The following TBCK variants were observed in gnomAD, a reference collection of about 807,000 sequenced individuals.
TBCK encodes TBC domain-containing protein kinase-like protein.
A neutral mutation model predicts 113.4 loss-of-function variants in TBCK; 99 were observed. The observed-to-expected ratio is 0.87, with a 90% CI of 0.74 to 1.03. The LOEUF (loss-of-function observed/expected upper bound fraction) is 1.03, where lower values mean the gene tolerates loss of function less well. Ranked by LOEUF, TBCK falls within the 50% of genes least tolerant of loss-of-function variation. TBCK has a pLI of 0.00. For missense variants in TBCK, 1,045 were observed against 1,061.3 expected, an observed-to-expected ratio of 0.98 and a Z score of 0.21; for synonymous variants, 369 against 370.8, an observed-to-expected ratio of 1.00 and a Z score of 0.05.
chr4:106,046,424 G>A lies in TBCK; in HGVS notation c.*146C>T. 1 of 548,262 alleles carries A rather than the reference G, an allele frequency of 1.8e-6. No homozygotes were observed. Among genetic ancestry groups the A allele is most frequent in the Non-Finnish European group, 3.3e-6 (1 of 307,256 alleles). The allele number at this position is 548,262 out of a possible 1,614,324, so 34.0% of individuals were successfully genotyped here. ...ATGGATAACTGAACATGTGGGTTAT[G>A]AGATTTTAAAAAATGTCTCGTGACA... is the stretch of plus-strand genomic sequence containing the variant. On this transcript the variant is annotated 3_prime_UTR_variant, in exon 26 of 26. Transcript: ENST00000394708.
chr4:106,066,016 C>T (rs912508991), intron 25 of TBCK, among the ~76,000 whole-genome samples: 4 of 151,880 alleles, frequency 2.6e-5, no homozygotes, highest in Non-Finnish European at 5.9e-5. Flanking sequence ...TGTAAAGAAA[C>T]CATCTTATAG....
chr4:106,205,587 C>CAAAAAAAAAA (rs70941240), intron 20 of TBCK, among the ~76,000 whole-genome samples: 1 of 64,212 alleles, frequency 1.6e-5, no homozygotes, highest in African/African-American at 6.0e-5. Flanking sequence ...ACTAAAAATA[C>CAAAAAAAAAA]AAAAAAAAAA....
chr4:106,066,059 A>T (rs1560597132), intron 25 of TBCK, among the ~76,000 whole-genome samples: 1 of 152,054 alleles, frequency 6.6e-6, no homozygotes. Context: ...AATTACAGGA[A>T]ATAGTTAATG....
At chr4:106,160,616 G>C (rs1305712075) in intron 23 of TBCK, among the ~76,000 whole-genome samples, 1 of 151,844 alleles carries the variant, frequency 6.6e-6, no homozygotes, top group East Asian at 1.9e-4. Context: ...AAATAGAAAA[G>C]TGTTCGCAAG....
intron 22 of TBCK, among the ~76,000 whole-genome samples, chr4:106,179,771 A>C (rs1752116375): frequency 6.6e-6 from 1 of 152,054 alleles, no homozygotes; most frequent in South Asian, 2.1e-4. Flanking sequence ...TCTACAGTAC[A>C]GTTTAACTCC....
At chr4:106,174,279 G>A (rs1358024504) in intron 22 of TBCK, among the ~76,000 whole-genome samples, 1 of 151,920 alleles carries the variant, frequency 6.6e-6, no homozygotes, top group African/African-American at 2.4e-5. Context: ...TTCTCATTTT[G>A]ATGAAACACA....
chr4:106,063,485 G>C (rs1393065398), intron 25 of TBCK, among the ~76,000 whole-genome samples: 1 of 151,920 alleles, frequency 6.6e-6, no homozygotes, highest in Non-Finnish European at 1.5e-5. Context: ...TGCTGAATTG[G>C]TTTACAGTGT....
chr4:106,282,438 T>A (rs768754751), intron 3 of TBCK, among the ~76,000 whole-genome samples: 1 of 152,078 alleles, frequency 6.6e-6, no homozygotes, highest in African/African-American at 2.4e-5. Context: ...TTTTTTCTTC[T>A]ACTAATTTTG....
chr4:106,088,844 C>T (rs879860170), intron 25 of TBCK, among the ~76,000 whole-genome samples: 6 of 152,218 alleles, frequency 3.9e-5, no homozygotes, highest in African/African-American at 1.2e-4. Flanking sequence ...AACCAAACAC[C>T]GCATGTTCTC....
At chr4:106,265,001 G>A (rs1047598447) in intron 3 of TBCK, among the ~76,000 whole-genome samples, 2 of 151,846 alleles carry the variant, frequency 1.3e-5, no homozygotes, top group African/African-American at 4.8e-5. Context: ...TCCCTGGGAA[G>A]TTTTGAGGAT....
intron 23 of TBCK, chr4:106,164,251 A>G (rs1750115601): frequency 6.6e-6 from 1 of 152,040 alleles, no homozygotes; most frequent in Non-Finnish European, 1.5e-5. Context: ...ACAGATGCAA[A>G]GCTAACCTTT....
At chr4:106,112,265 G>A (rs894167854) in intron 24 of TBCK, among the ~76,000 whole-genome samples, 4 of 152,218 alleles carry the variant, frequency 2.6e-5, no homozygotes, top group Non-Finnish European at 4.4e-5. Context: ...ATTCAAGGCA[G>A]TATTGCCTTA....
In TBCK at chr4:106,247,274, G is replaced by C. The variant is rs3775091; in HGVS notation, c.796C>G (p.Gln266Glu). ...CTGAATACTTTGTCCTTCATTAATT[G>C]ATCTGGGGTTGGCCTTGAGAACATT... ...FHPSKRPTPD[Q>E]LMKDKVFSEV... Residue 266 changes from glutamine (Q) to glutamate (E), a missense_variant, in exon 10 of 26, where the codon CAA becomes GAA. Coordinates refer to ENST00000394708, the MANE Select transcript of TBCK (RefSeq NM_001163435.3). 1 allele frequency: 1,608,787 copies of C among 1,611,816 alleles called. 802,946 individuals carry two copies. Among genetic ancestry groups the C allele is most frequent in the Middle Eastern group, 1 (6,042 of 6,042 alleles).
chr4:106,153,571 A>G (rs1227732601), intron 23 of TBCK, among the ~76,000 whole-genome samples: 1 of 152,010 alleles, frequency 6.6e-6, no homozygotes, highest in Non-Finnish European at 1.5e-5. Context: ...ATGTTCTGTA[A>G]ATTTGGTCCA....
At chr4:106,077,305 A>G (rs956876320) in intron 25 of TBCK, among the ~76,000 whole-genome samples, 1 of 152,228 alleles carries the variant, frequency 6.6e-6, no homozygotes, top group African/African-American at 2.4e-5. Context: ...TGATAAGACC[A>G]AATCCTCACA....
intron 23 of TBCK, among the ~76,000 whole-genome samples, chr4:106,166,065 G>T (rs1750334221): frequency 6.6e-6 from 1 of 151,610 alleles, no homozygotes; most frequent in South Asian, 2.1e-4. Flanking sequence ...TCAGACATAA[G>T]AATATATAAT....
At chr4:106,093,540 T>C (rs1290598013) in intron 25 of TBCK, among the ~76,000 whole-genome samples, 1 of 152,182 alleles carries the variant, frequency 6.6e-6, no homozygotes, top group Non-Finnish European at 1.5e-5. Context: ...AATGCTGCTA[T>C]CAGTCCTGTA....
chr4:106,242,649 T>C, intron 11 of TBCK, 80 bp from the exon 12 acceptor site: 1 of 858,556 alleles, frequency 1.2e-6, no homozygotes, highest in Non-Finnish European at 1.7e-6. Context: ...TTATTCTAAG[T>C]CATCAATCCC....
intron 19 of TBCK, among the ~76,000 whole-genome samples, chr4:106,229,779 G>T (rs979749421): frequency 6.6e-6 from 1 of 151,634 alleles, no homozygotes; most frequent in Admixed American, 6.6e-5. Context: ...CTAAATCTGC[G>T]TATTTTTAAC....
Sources: allele counts gnomAD v4.1 joint callset (sites outside exome capture counted in the v4.1 genomes callset), GRCh38; gene constraint gnomAD v4.1.1; transcripts MANE v1.5; gene names NCBI Gene and HGNC (gene_info 2026-07-23, HGNC 2026-07-21).